Variants in EEFSEC observed in about 807,000 individuals in gnomAD.
The protein encoded by EEFSEC is eukaryotic elongation factor, selenocysteine-tRNA specific.
Under a neutral mutation model 42.1 loss-of-function variants are expected in EEFSEC, and 43 were observed. That is an observed-to-expected ratio of 1.02 (90% CI 0.80 to 1.32). The LOEUF (loss-of-function observed/expected upper bound fraction) is 1.32, where lower values mean the gene tolerates loss of function less well. EEFSEC is among the 40% of genes most tolerant of loss of function. The pLI is 0.00. For synonymous variants in EEFSEC, 354 were observed against 339.1 expected, an observed-to-expected ratio of 1.04 and a Z score of -0.48; for missense variants, 745 against 803.6, an observed-to-expected ratio of 0.93 and a Z score of 0.88.
Position 128,270,140 on chromosome 3 carries a change from G to A in EEFSEC, c.786+5359G>A, listed in dbSNP as rs557168630. Among the ~76,000 whole-genome samples, 51 of 152,252 alleles carry A rather than the reference G, an allele frequency of 3.3e-4. 1 individual carries two copies. The South Asian group carries it at 0.011, about 32-fold the overall frequency. On this transcript the variant is annotated intron_variant, in intron 4 of 6. Coordinates refer to ENST00000254730, the MANE Select transcript of EEFSEC (RefSeq NM_021937.5). ...GTCAGGGTGGTGTGGTGTGGACTAG[G>A]GATAATGTATATAAGGTTCCTGGCA...
intron 1 of EEFSEC, among the ~76,000 whole-genome samples, chr3:128,210,821 C>G (rs755455249): frequency 3.3e-5 from 5 of 152,358 alleles, no homozygotes; most frequent in Non-Finnish European, 7.3e-5. Context: ...TGCAGAAGAG[C>G]TCCTTCTGTC....
intron 6 of EEFSEC, among the ~76,000 whole-genome samples, chr3:128,378,396 G>A (rs1300381385): frequency 2.0e-5 from 3 of 152,108 alleles, no homozygotes; most frequent in African/African-American, 7.2e-5. Flanking sequence ...TAAAAGAAGA[G>A]TCAGTCTTTG....
intron 4 of EEFSEC, among the ~76,000 whole-genome samples, chr3:128,327,992 C>G (rs1427962653): frequency 6.6e-6 from 1 of 152,184 alleles, no homozygotes; most frequent in African/African-American, 2.4e-5. Context: ...GAACCGTGAA[C>G]AAGGGCTGGG....
rs563045487 is a variant in EEFSEC at position 128,214,233 on chromosome 3, G to A, written c.317-32603G>A. On this transcript the variant is annotated intron_variant, in intron 1 of 6. Coordinates refer to ENST00000254730, the MANE Select transcript of EEFSEC (RefSeq NM_021937.5). ...ATTCACATATATGTATATGGAAAGAGAACGAGAACATGCAGGAATGCACAC... is the reference window on the plus strand; with the variant it reads ...ATTCACATATATGTATATGGAAAGAAAACGAGAACATGCAGGAATGCACAC... 7.2e-5 allele frequency among the ~76,000 whole-genome samples: 11 copies of A among 152,312 alleles called. No homozygotes were observed. In the East Asian group the frequency reaches 1.7e-3, roughly 24 times the overall value.
chr3:128,421,854 T>C, the EEFSEC span, among the ~76,000 whole-genome samples: 1 of 152,158 alleles, frequency 6.6e-6, no homozygotes, highest in Non-Finnish European at 1.5e-5. Flanking sequence ...ACCCTGGAGC[T>C]GGGCTGGGCC....
intron 1 of EEFSEC, among the ~76,000 whole-genome samples, chr3:128,161,930 G>C (rs1189417434): frequency 6.6e-6 from 1 of 152,198 alleles, no homozygotes; most frequent in South Asian, 2.1e-4. Context: ...GGCTTGACCA[G>C]GTAGGCCTTG....
At chr3:128,265,358 G>A (rs995356908) in intron 4 of EEFSEC, among the ~76,000 whole-genome samples, 2 of 152,210 alleles carry the variant, frequency 1.3e-5, no homozygotes, top group Non-Finnish European at 2.9e-5. Flanking sequence ...AGGATGAGTG[G>A]TTGGTGCCTT....
intron 1 of EEFSEC, among the ~76,000 whole-genome samples, chr3:128,243,277 C>T (rs1012501962): frequency 6.6e-6 from 1 of 152,216 alleles, no homozygotes; most frequent in African/African-American, 2.4e-5. Flanking sequence ...GAAATCCCAA[C>T]TGGCTCCTGA....
chr3:128,339,290 C>T (rs1266331104), intron 4 of EEFSEC, among the ~76,000 whole-genome samples: 3 of 152,134 alleles, frequency 2.0e-5, no homozygotes, highest in African/African-American at 7.2e-5. Flanking sequence ...AGGTCCTGGG[C>T]TCATGGGCCA....
the EEFSEC span, among the ~76,000 whole-genome samples, chr3:128,423,590 C>A: frequency 6.6e-6 from 1 of 152,352 alleles, no homozygotes; most frequent in African/African-American, 2.4e-5. Flanking sequence ...TGAAAGGCCA[C>A]ATAATGTGTG....
intron 5 of EEFSEC, among the ~76,000 whole-genome samples, chr3:128,350,157 C>A (rs556890761): frequency 6.6e-6 from 1 of 152,368 alleles, no homozygotes; most frequent in South Asian, 2.1e-4. Context: ...AGCGGCGCTG[C>A]CTCCTGGCTC....
At chr3:128,416,514 C>T in the EEFSEC span, among the ~76,000 whole-genome samples, 3 of 152,182 alleles carry the variant, frequency 2.0e-5, no homozygotes, top group African/African-American at 7.2e-5. Flanking sequence ...GCCCCTTCTT[C>T]CAGGTGCAGC....
intron 4 of EEFSEC, among the ~76,000 whole-genome samples, chr3:128,290,629 A>G (rs2066633164): frequency 6.6e-6 from 1 of 152,070 alleles, no homozygotes; most frequent in African/African-American, 2.4e-5. Context: ...GTAGATCACA[A>G]CTGGGAACAA....
At chr3:128,240,903 A>G (rs930071442) in intron 1 of EEFSEC, among the ~76,000 whole-genome samples, 1 of 152,212 alleles carries the variant, frequency 6.6e-6, no homozygotes, top group African/African-American at 2.4e-5. Flanking sequence ...TAGGCAATAC[A>G]TTGAATAAAT....
Position 128,317,008 on chromosome 3 carries a change from C to T in EEFSEC, c.787-24225C>T, listed in dbSNP as rs2066953715. Reference sequence around the variant, plus strand: ...GCCACGATGCCTCAGAACAAAAGCCCTTGATTTAGTTTAACTTTATAAGTT... The same window carrying T: ...GCCACGATGCCTCAGAACAAAAGCCTTTGATTTAGTTTAACTTTATAAGTT... On this transcript the variant is annotated intron_variant, in intron 4 of 6. Coordinates refer to ENST00000254730, the MANE Select transcript of EEFSEC (RefSeq NM_021937.5). The surrounding 1 kb of genome is among the most constrained non-coding windows in gnomAD (Gnocchi z 4.1). Among the ~76,000 whole-genome samples, 1 of 152,178 alleles carries T rather than the reference C, an allele frequency of 6.6e-6. No individual in the cohort carries two copies. The highest frequency in any genetic ancestry group is 6.5e-5 in the Admixed American group (1 of 15,278).
At chr3:128,190,699 T>G (rs571113826) in intron 1 of EEFSEC, among the ~76,000 whole-genome samples, 18 of 152,224 alleles carry the variant, frequency 1.2e-4, no homozygotes, top group Non-Finnish European at 2.5e-4. Flanking sequence ...TCACATTCAC[T>G]CAACCACTCA....
chr3:128,286,275 A>G (rs2066585003), intron 4 of EEFSEC, among the ~76,000 whole-genome samples: 1 of 152,198 alleles, frequency 6.6e-6, no homozygotes, highest in Non-Finnish European at 1.5e-5. Context: ...TCATCTATTC[A>G]GTGTCTGTCT....
At chr3:128,207,182 C>T (rs1490045900) in intron 1 of EEFSEC, among the ~76,000 whole-genome samples, 1 of 151,282 alleles carries the variant, frequency 6.6e-6, no homozygotes, top group East Asian at 1.9e-4. Flanking sequence ...CCTTCCTGCT[C>T]CCCTCTCTCC....
chr3:128,374,680 A>T (rs937459525), intron 6 of EEFSEC, among the ~76,000 whole-genome samples: 1 of 132,154 alleles, frequency 7.6e-6, no homozygotes, highest in African/African-American at 3.5e-5. Context: ...AGAAATTGTT[A>T]AAAAAAATGA....
Sources: gnomAD v4.1 joint callset for allele counts (sites outside exome capture counted in the v4.1 genomes callset) on GRCh38, gnomAD v4.1.1 for gene constraint, Gnocchi (gnomAD v3.1) non-coding constraint, MANE v1.5 for transcripts, NCBI Gene and HGNC (gene_info 2026-07-23, HGNC 2026-07-21) for gene names.